The following GPT2 variants were observed in gnomAD, a reference collection of about 807,000 sequenced individuals.
The protein encoded by GPT2 is alanine aminotransferase 2.
Under a neutral mutation model 56.9 loss-of-function variants are expected in GPT2, and 30 were observed. The observed-to-expected ratio is 0.53, with a 90% CI of 0.39 to 0.72. GPT2 has a LOEUF of 0.72. Among genes scored for constraint, GPT2 ranks in the 30% least tolerant of loss-of-function variants. The probability of loss-of-function intolerance (pLI) is 0.00; values close to 1 mark genes in which losing one functional copy is unlikely to be tolerated. For synonymous variants in GPT2, 271 were observed against 283.1 expected, an observed-to-expected ratio of 0.96 and a Z score of 0.43; for missense variants, 542 against 703.4, an observed-to-expected ratio of 0.77 and a Z score of 2.60.
intron 6 of GPT2, among the ~76,000 whole-genome samples, chr16:46,910,380 C>CAAAAAAAAA (rs4039999): frequency 3.4e-4 from 16 of 46,480 alleles, no homozygotes; most frequent in African/African-American, 1.7e-3. Flanking sequence ...GACTCTGTCT[C>CAAAAAAAAA]AAAAAAAAAA....
intron 11 of GPT2, among the ~76,000 whole-genome samples, chr16:46,927,493 C>T (rs1464670350): frequency 6.6e-6 from 1 of 152,184 alleles, no homozygotes; most frequent in Non-Finnish European, 1.5e-5. Flanking sequence ...GGAATTTGCT[C>T]CACTCATGCC....
intron 2 of GPT2, among the ~76,000 whole-genome samples, chr16:46,890,966 C>T (rs1462677216): frequency 1.3e-5 from 2 of 151,372 alleles, no homozygotes; most frequent in African/African-American, 2.4e-5. Flanking sequence ...CTCTGCTTCC[C>T]GGGTTCAAGC....
At chr16:46,924,831 G>C (rs112983795) in intron 10 of GPT2, among the ~76,000 whole-genome samples, 58 of 152,322 alleles carry the variant, frequency 3.8e-4, no homozygotes, top group African/African-American at 1.2e-3. Context: ...AGATGCCTGC[G>C]GGGGAAGCAG....
intron 2 of GPT2, chr16:46,885,488 C>T (rs1960466015): frequency 1.0e-6 from 1 of 985,362 alleles, no homozygotes; most frequent in East Asian, 1.1e-4. Context: ...ATCCTGATTC[C>T]CGGAAGAGAG....
In GPT2 at chr16:46,918,746, C is replaced by T; in HGVS notation, c.1026C>T (p.Gly342=). The T allele has an allele frequency of 6.2e-7, 1 of 1,614,064 alleles. No individual in the cohort carries two copies. Among genetic ancestry groups the T allele is most frequent in the Non-Finnish European group, 8.5e-7 (1 of 1,180,014 alleles). ...ELASFHSTSK[G]YMGECGYRGG... ...CCTCCTTCCACTCCACCTCCAAGGG[C>T]TACATGGGCGAGTACGTGGGCCTCC... Residue 342 remains glycine (G), a synonymous_variant, in exon 8 of 12, where the codon GGC becomes GGT. Coordinates refer to ENST00000340124, the MANE Select transcript of GPT2 (RefSeq NM_133443.4).
chr16:46,898,998 CATATATATATATATATATATATATAT>C (rs61197632), intron 3 of GPT2, among the ~76,000 whole-genome samples: 2 of 124,438 alleles, frequency 1.6e-5, no homozygotes, highest in Non-Finnish European at 3.2e-5. Context: ...ATATAACACA[CATATATATATATATATATATATATAT>C]ATATATATAT....
chr16:46,919,490 C>A (rs911837718), intron 8 of GPT2, among the ~76,000 whole-genome samples: 1 of 152,146 alleles, frequency 6.6e-6, no homozygotes, highest in Non-Finnish European at 1.5e-5. Context: ...TTGCAGGCAG[C>A]GGGAGCAGCC....
intron 2 of GPT2, among the ~76,000 whole-genome samples, chr16:46,889,748 A>G (rs1028691525): frequency 2.6e-5 from 4 of 152,186 alleles, no homozygotes; most frequent in African/African-American, 9.7e-5. Context: ...GACTAGTTTG[A>G]GATGTTAATG....
At chr16:46,901,126 G>A (rs1960809152) in intron 4 of GPT2, among the ~76,000 whole-genome samples, 1 of 152,216 alleles carries the variant, frequency 6.6e-6, no homozygotes, top group Non-Finnish European at 1.5e-5. Context: ...AGGTAGAAAC[G>A]CAGTGCTCAG....
chr16:46,924,190 C>A, intron 9 of GPT2, 199 bp from the exon 10 acceptor site: 2 of 661,968 alleles, frequency 3.0e-6, no homozygotes, highest in Non-Finnish European at 5.5e-6. Context: ...CCCACCCACT[C>A]CGTCTGTGTG....
chr16:46,900,759 G>T lies in GPT2; in HGVS notation c.411G>T (p.Arg137=), dbSNP rs1387032092. 6.2e-7 allele frequency: 1 copy of T among 1,614,002 alleles called. No homozygotes were observed. The highest frequency in any genetic ancestry group is 1.3e-5 in the African/African-American group (1 of 74,930). The change falls in exon 4 of 12, where the codon CGG becomes CGT. Residue 137 remains arginine, a synonymous_variant. Transcript: ENST00000340124. ...AAGATGCTAAGAAACGTGCCCGGCG[G>T]ATCCTGCAGGCTTGTGGCGGGAACA... ...FPEDAKKRAR[R]ILQACGGNSL... is the part of the protein sequence containing the mutation.
rs1336377930 is a variant in GPT2 at position 46,909,903 on chromosome 16, A to G, written c.796A>G (p.Ile266Val). The change falls in exon 6 of 12, where the codon ATA becomes GTA. Residue 266 changes from isoleucine (I) to valine (V), a missense_variant. Coordinates refer to ENST00000340124, the MANE Select transcript of GPT2 (RefSeq NM_133443.4). Reference sequence around the variant, plus strand: ...CCACTGTGATCCTAAGGTGCTCTGCATAATCAACCCTGGGAACCCCACAGG... The same window carrying G: ...CCACTGTGATCCTAAGGTGCTCTGCGTAATCAACCCTGGGAACCCCACAGG... ...KDHCDPKVLC[I>V]INPGNPTGQV... 8 of 1,612,412 alleles carry G rather than the reference A, an allele frequency of 5.0e-6. No homozygotes were observed. Among genetic ancestry groups the G allele is most frequent in the Non-Finnish European group, 6.8e-6 (8 of 1,178,826 alleles).
At chr16:46,898,871 C>CATATAT (rs35282958) in intron 3 of GPT2, among the ~76,000 whole-genome samples, 26 of 138,820 alleles carry the variant, frequency 1.9e-4, no homozygotes, top group African/African-American at 6.1e-4. Context: ...TATTTATATA[C>CATATAT]ATATATATAT....
intron 8 of GPT2, among the ~76,000 whole-genome samples, chr16:46,919,382 G>T (rs996678768): frequency 6.6e-6 from 1 of 152,176 alleles, no homozygotes; most frequent in Non-Finnish European, 1.5e-5. Context: ...GGGTGGGGTC[G>T]AAGGCTGAAG....
intron 3 of GPT2, 105 bp downstream of exon 3, chr16:46,897,842 C>A (rs1228231324): frequency 1.3e-5 from 12 of 903,882 alleles, no homozygotes; most frequent in Non-Finnish European, 1.9e-5. Flanking sequence ...GCCCTCCCAG[C>A]CTGATACCCT....
At chr16:46,923,331 G>T (rs1269444524) in intron 9 of GPT2, among the ~76,000 whole-genome samples, 1 of 152,170 alleles carries the variant, frequency 6.6e-6, no homozygotes, top group Admixed American at 6.5e-5. Context: ...GATGGTACAT[G>T]CCTGTTATCC....
intron 10 of GPT2, 28 bp from the exon 11 acceptor site, chr16:46,926,897 T>A: frequency 7.0e-7 from 1 of 1,432,856 alleles, no homozygotes; most frequent in South Asian, 1.4e-5. Flanking sequence ...AAGCCAGGAA[T>A]GATCATGAGC....
In GPT2 at chr16:46,930,769, A is replaced by AT. The variant is rs1184487592; in HGVS notation, c.*1778dup. ...ATTTATAGTCCTAACAAGTCCAGTA[A>AT]TTTTTTATAAATCTTCAGATTATAA... On this transcript the variant is annotated 3_prime_UTR_variant, in exon 12 of 12. Coordinates refer to ENST00000340124, the MANE Select transcript of GPT2 (RefSeq NM_133443.4). 2.6e-5 allele frequency: 4 copies of AT among 152,604 alleles called. No individual in the cohort carries two copies. The highest frequency in any genetic ancestry group is 4.4e-5 in the Non-Finnish European group (3 of 68,036). The allele number at this position is 152,604 out of a possible 1,614,324, so 9.5% of individuals were successfully genotyped here. A position where few individuals can be genotyped will look rare whatever the true frequency, so the allele number is the denominator to read the frequency against.
intron 8 of GPT2, among the ~76,000 whole-genome samples, chr16:46,919,819 C>T (rs1961249891): frequency 1.3e-5 from 2 of 152,004 alleles, no homozygotes; most frequent in Non-Finnish European, 2.9e-5. Flanking sequence ...ATATCGTGCA[C>T]CAGACAGAGA....
Sources: allele counts gnomAD v4.1 joint callset (sites outside exome capture counted in the v4.1 genomes callset), GRCh38; gene constraint gnomAD v4.1.1; transcripts MANE v1.5; gene names NCBI Gene and HGNC (gene_info 2026-07-23, HGNC 2026-07-21).